The following HAUS2 variants were observed in gnomAD, a reference collection of about 807,000 sequenced individuals.
HAUS2 encodes HAUS augmin like complex subunit 2, also known as HAUS augmin-like complex subunit 2.
HAUS2 carries 20 observed loss-of-function variants against 21.6 expected under a neutral mutation model. That is an observed-to-expected ratio of 0.93 (90% confidence interval 0.65 to 1.35). The LOEUF (loss-of-function observed/expected upper bound fraction) is 1.35. Ranked by LOEUF, HAUS2 falls within the 40% of genes most tolerant of loss-of-function variation. The pLI, the probability that HAUS2 is intolerant of heterozygous loss-of-function variation, is 0.00. For synonymous variants in HAUS2, 113 were observed against 95.6 expected (o/e 1.18, Z -1.06); for missense variants, 297 against 280.7 (o/e 1.06, Z -0.42).
intron 5 of HAUS2, among the ~76,000 whole-genome samples, chr15:42,564,851 C>G (rs138229254): frequency 0.012 from 1,812 of 152,140 alleles, 11 homozygotes; most frequent in Non-Finnish European, 0.018. Context: ...TATTTATTTT[C>G]TGATATGGAG....
chr15:42,561,277 G>A lies in HAUS2; in HGVS notation c.264G>A (p.Lys88=). 1 of 1,538,808 alleles carries A rather than the reference G, an allele frequency of 6.5e-7. No individual in the cohort carries two copies. Among genetic ancestry groups the A allele is most frequent in the Non-Finnish European group, 9.0e-7 (1 of 1,111,864 alleles). The change falls in exon 4 of 6, where the codon AAG becomes AAA. Residue 88 remains lysine (K), a synonymous_variant. Coordinates refer to ENST00000260372, the MANE Select transcript of HAUS2 (RefSeq NM_018097.3). ...DVVHPFFLAQ[K]CHTLQSMNNH... ...GTTTTTTAATTTGTATAGCTCAGAA[G>A]TGTCATACTCTGCAAAGCATGAATA...
intron 2 of HAUS2, among the ~76,000 whole-genome samples, 182 bp downstream of exon 2, chr15:42,558,472 C>T (rs941444427): frequency 1.3e-5 from 2 of 151,608 alleles, no homozygotes; most frequent in African/African-American, 4.8e-5. Context: ...GGACTACAGG[C>T]GCCCGCCACC....
chr15:42,563,878 C>A, intron 5 of HAUS2, 21 bp downstream of exon 5: 1 of 1,085,480 alleles, frequency 9.2e-7, no homozygotes, highest in Non-Finnish European at 1.4e-6. Flanking sequence ...ATATAGCAAT[C>A]TTCAGTTATT....
At chr15:42,557,643 T>C (rs986206999) in intron 1 of HAUS2, among the ~76,000 whole-genome samples, 2 of 151,194 alleles carry the variant, frequency 1.3e-5, no homozygotes, top group African/African-American at 4.9e-5. Context: ...ACTCATGGAA[T>C]GAAAGGATGA....
At chr15:42,562,298 C>CA (rs1031168968) in intron 4 of HAUS2, among the ~76,000 whole-genome samples, 5 of 152,044 alleles carry the variant, frequency 3.3e-5, no homozygotes, top group African/African-American at 9.7e-5. Context: ...CTTATTCTTC[C>CA]AAAAAAACAA....
At chr15:42,559,463 A>G in intron 3 of HAUS2, 55 bp downstream of exon 3, 1 of 978,870 alleles carries the variant, frequency 1.0e-6, no homozygotes, top group Non-Finnish European at 1.7e-6. Context: ...TTCTTGGATT[A>G]CTGTAAATAA....
chr15:42,553,718 G>T (rs183758142), intron 1 of HAUS2, among the ~76,000 whole-genome samples: 17 of 152,086 alleles, frequency 1.1e-4, no homozygotes, highest in Admixed American at 3.3e-4. Flanking sequence ...TGTTGAACCC[G>T]ACAGTTTACT....
chr15:42,558,432 GT>G (rs2141599011), intron 2 of HAUS2, 142 bp downstream of exon 2: 1 of 524,198 alleles, frequency 1.9e-6, no homozygotes, highest in South Asian at 2.4e-5. Context: ...GGTTCACGCC[GT>G]TCTTCTGCCT....
intron 4 of HAUS2, 55 bp downstream of exon 4, chr15:42,561,457 TG>T: frequency 8.6e-7 from 1 of 1,156,768 alleles, no homozygotes; most frequent in Non-Finnish European, 1.3e-6. Context: ...GTTTACTTTT[TG>T]TTTTGCAGTT....
intron 3 of HAUS2, among the ~76,000 whole-genome samples, chr15:42,559,843 A>G (rs111389243): frequency 3.3e-4 from 50 of 152,234 alleles, no homozygotes; most frequent in Admixed American, 1.0e-3. Flanking sequence ...ATGGCTGGCA[A>G]TGTTTTGAAT....
intron 3 of HAUS2, among the ~76,000 whole-genome samples, chr15:42,560,194 G>T (rs998776499): frequency 2.0e-5 from 3 of 152,136 alleles, no homozygotes; most frequent in South Asian, 2.1e-4. Flanking sequence ...ACATTATTGG[G>T]ATACTTAGTG....
chr15:42,568,444 A>T lies in HAUS2; in HGVS notation c.*1628A>T, dbSNP rs2057928031. 6.6e-6 allele frequency: 1 copy of T among 152,212 alleles called. No homozygotes were observed. The highest frequency in any genetic ancestry group is 1.5e-5 in the Non-Finnish European group (1 of 68,036). The allele number at this position is 152,212 out of a possible 1,614,324, so 9.4% of individuals were successfully genotyped here. On this transcript the variant is annotated 3_prime_UTR_variant, in exon 6 of 6. Coordinates refer to ENST00000260372, the MANE Select transcript of HAUS2 (RefSeq NM_018097.3). ...AGCCCACTCCCAAGATAGCAGCACT[A>T]ATTCATTAATGAGGGCAAAGCCCTC...
At chr15:42,561,165 T>C (rs535191247) in intron 3 of HAUS2, 105 bp from the exon 4 acceptor site, 4 of 664,216 alleles carry the variant, frequency 6.0e-6, no homozygotes, top group Admixed American at 5.1e-5. Context: ...AGGGTAATGA[T>C]AGGATGAATT....
In HAUS2 at chr15:42,563,816, A is replaced by G; in HGVS notation, c.457A>G (p.Ile153Val). The G allele has an allele frequency of 6.4e-7, 1 of 1,564,434 alleles. No individual in the cohort carries two copies. Among genetic ancestry groups the G allele is most frequent in the Non-Finnish European group, 8.8e-7 (1 of 1,141,230 alleles). Residue 153 changes from isoleucine to valine, a missense_variant, in exon 5 of 6, where the codon ATT becomes GTT. Physicochemically the swap from Ile to Val is conservative, Grantham distance 29. Transcript: ENST00000260372. ...IERLETHLETIRNIPHLAANL... is the reference protein window; with the variant it reads ...IERLETHLETVRNIPHLAANL... ...GAGATTAGAAACCCACCTTGAAACA[A>G]TTAGAAATATTCCTCATTTAGCTGC...
chr15:42,559,291 A>G (rs367982973), intron 2 of HAUS2, 48 bp from the exon 3 acceptor site: 34 of 1,132,000 alleles, frequency 3.0e-5, no homozygotes, highest in South Asian at 6.2e-5. Context: ...GCACCTGGCC[A>G]TGGACACTTT....
chr15:42,560,413 G>A (rs2057837391), intron 3 of HAUS2, among the ~76,000 whole-genome samples: 1 of 150,992 alleles, frequency 6.6e-6, no homozygotes, highest in South Asian at 2.1e-4. Flanking sequence ...AGAGAGAGAA[G>A]AGAGAGAAAG....
intron 5 of HAUS2, among the ~76,000 whole-genome samples, chr15:42,564,410 G>A (rs1407412419): frequency 6.6e-6 from 1 of 151,368 alleles, no homozygotes. Context: ...TGGCTTCATT[G>A]TGCCGTGGCT....
chr15:42,566,716 A>G lies in HAUS2; in HGVS notation c.608A>G (p.Lys203Arg). ...AACGAAGTTTCGTCTTGTATCCCCA[A>G]AATATTAGCTGAAGAAAGTTATCTT... Reference protein sequence around the residue: ...QQNEVSSCIPKILAEESYLYK... With the variant: ...QQNEVSSCIPRILAEESYLYK... The change falls in exon 6 of 6, where the codon AAA becomes AGA. Residue 203 changes from lysine (K) to arginine (R), a missense_variant. Lys to Arg is a conservative substitution (Grantham distance 26). Coordinates refer to ENST00000260372, the MANE Select transcript of HAUS2 (RefSeq NM_018097.3). 1 of 1,564,912 alleles carries G rather than the reference A, an allele frequency of 6.4e-7. No individual in the cohort carries two copies. Among genetic ancestry groups the G allele is most frequent in the South Asian group, 1.1e-5 (1 of 90,034 alleles).
chr15:42,559,198 A>G (rs2057822674), intron 2 of HAUS2, 141 bp from the exon 3 acceptor site: 2 of 554,802 alleles, frequency 3.6e-6, no homozygotes, highest in Non-Finnish European at 6.5e-6. Context: ...GCAGTGGCAC[A>G]ATCTCGGCTC....
Sources: allele counts gnomAD v4.1 joint callset (sites outside exome capture counted in the v4.1 genomes callset), GRCh38; gene constraint gnomAD v4.1.1; transcripts MANE v1.5; gene names NCBI Gene and HGNC (gene_info 2026-07-23, HGNC 2026-07-21).